Variants in FKBP5 observed in about 807,000 individuals in gnomAD.
FKBP5 encodes the protein FKBP prolyl isomerase 5, also known as peptidyl-prolyl cis-trans isomerase FKBP5.
A neutral mutation model predicts 50.5 loss-of-function variants in FKBP5; 23 were observed. The ratio of observed to expected loss-of-function variants is 0.46; its 90% CI spans 0.33 to 0.65. The LOEUF (loss-of-function observed/expected upper bound fraction) is 0.65, where lower values mean the gene tolerates loss of function less well. Among genes scored for constraint, FKBP5 ranks in the 30% least tolerant of loss-of-function variants. The pLI is 0.02. For missense variants in FKBP5, 411 were observed against 553.1 expected (o/e 0.74, Z 2.58); for synonymous variants, 176 against 190.6 (o/e 0.92, Z 0.63).
At chr6:35,690,212 T>G (rs1765957482), upstream of FKBP5, among the ~76,000 whole-genome samples, 1 of 152,226 alleles carries the variant, frequency 6.6e-6, no homozygotes, top group Non-Finnish European at 1.5e-5. Context: ...CTTACGCCTG[T>G]AATCCCAGCA....
rs1401832458 is a variant in FKBP5 at position 35,707,562 on chromosome 6, T to A, written c.-20+12766A>T. 2.0e-5 allele frequency among the ~76,000 whole-genome samples: 3 copies of A among 152,104 alleles called. No individual in the cohort carries two copies. The East Asian group carries it at 5.8e-4, about 29-fold the overall frequency. On this transcript the variant is annotated intron_variant, in intron 2 of 11. Coordinates refer to the FKBP5 transcript ENST00000536438. ...CCTAACTTGTTTTTTTAACTTTTAT[T>A]TTAGGTTCAGGGGTACATGTGCAGG... is the stretch of plus-strand genomic sequence containing the variant.
chr6:35,636,896 T>G (rs1461327894), intron 3 of FKBP5, 118 bp downstream of exon 3: 1 of 884,936 alleles, frequency 1.1e-6, no homozygotes, highest in Non-Finnish European at 1.6e-6. Flanking sequence ...AGACCATTCT[T>G]TGAGTACTAC....
At chr6:35,691,137 C>T (rs929426468), upstream of FKBP5, among the ~76,000 whole-genome samples, 15 of 152,190 alleles carry the variant, frequency 9.9e-5, no homozygotes, top group African/African-American at 3.1e-4. Context: ...ATACACGTAA[C>T]ATGTCAGTTC....
chr6:35,636,939 A>G (rs1764323891), intron 3 of FKBP5, 75 bp downstream of exon 3: 10 of 1,356,110 alleles, frequency 7.4e-6, no homozygotes, highest in Non-Finnish European at 9.8e-6. Flanking sequence ...TAGAAAGGAT[A>G]GAATCCTCTG....
At chr6:35,703,020 C>T (rs191577668) in intron 2 of FKBP5, among the ~76,000 whole-genome samples, 101 of 152,218 alleles carry the variant, frequency 6.6e-4, no homozygotes, top group African/African-American at 1.9e-3. Flanking sequence ...GAGGCCAAGG[C>T]GGGCAGATCA....
chr6:35,669,220 T>C (rs1765316721), intron 1 of FKBP5, among the ~76,000 whole-genome samples: 1 of 152,166 alleles, frequency 6.6e-6, no homozygotes, highest in Admixed American at 6.5e-5. Flanking sequence ...TCCTTGGAAC[T>C]AAGCTAAAAC....
chr6:35,614,670 A>G (rs969501617), intron 5 of FKBP5, among the ~76,000 whole-genome samples: 1 of 152,176 alleles, frequency 6.6e-6, no homozygotes, highest in Admixed American at 6.5e-5. Context: ...ACCATCTTAC[A>G]TATACACTAG....
At chr6:35,650,325 G>T (rs1209500871) in intron 1 of FKBP5, among the ~76,000 whole-genome samples, 6 of 142,976 alleles carry the variant, frequency 4.2e-5, no homozygotes, top group Admixed American at 1.4e-4. Flanking sequence ...AAGGAAAAAA[G>T]AATAGCATTG....
intron 2 of FKBP5, among the ~76,000 whole-genome samples, chr6:35,640,050 T>A (rs1764434556): frequency 6.6e-6 from 1 of 151,368 alleles, no homozygotes; most frequent in African/African-American, 2.4e-5. Context: ...CACCACATTG[T>A]TGTAAGAAAC....
At chr6:35,625,626 C>T (rs1203740369) in intron 3 of FKBP5, among the ~76,000 whole-genome samples, 1 of 149,440 alleles carries the variant, frequency 6.7e-6, no homozygotes, top group African/African-American at 2.5e-5. Context: ...GTCCCAGCTA[C>T]TCGGGAGGCT....
Position 35,574,510 on chromosome 6 carries a change from G to C in FKBP5, c.*1325C>G, listed in dbSNP as rs572750491. 6.6e-6 allele frequency: 1 copy of C among 152,312 alleles called. No individual in the cohort carries two copies. The highest frequency in any genetic ancestry group is 1.9e-4 in the East Asian group (1 of 5,184). The allele number at this position is 152,312 out of a possible 1,614,324, so 9.4% of individuals were successfully genotyped here. A position where few individuals can be genotyped will look rare whatever the true frequency, so the allele number is the denominator to read the frequency against. On this transcript the variant is annotated 3_prime_UTR_variant, in exon 11 of 11. Coordinates refer to ENST00000357266, the MANE Select transcript of FKBP5 (RefSeq NM_004117.4). ...ATGTACACATTTAAGACTTGCCCTA[G>C]TTCAATGGTCAGCTCAAGTACTGGA... is the stretch of plus-strand genomic sequence containing the variant.
At chr6:35,725,761 G>A (rs1339941950) in intron 1 of FKBP5, among the ~76,000 whole-genome samples, 1 of 152,148 alleles carries the variant, frequency 6.6e-6, no homozygotes, top group African/African-American at 2.4e-5. Context: ...ACTGGACAGA[G>A]GCCATATGAA....
intron 5 of FKBP5, among the ~76,000 whole-genome samples, chr6:35,601,728 G>C (rs1303979652): frequency 1.3e-5 from 2 of 152,144 alleles, no homozygotes; most frequent in African/African-American, 4.8e-5. Context: ...GTAGGGCTCA[G>C]GAGGTCTGTT....
At chr6:35,642,645 C>G in intron 2 of FKBP5, 75 bp downstream of exon 2, 2 of 1,112,236 alleles carry the variant, frequency 1.8e-6, no homozygotes, top group Non-Finnish European at 2.7e-6. Context: ...CCACCCCAGC[C>G]CCCCTCAGAA....
chr6:35,679,238 A>G (rs1240565181), intron 1 of FKBP5, among the ~76,000 whole-genome samples: 1 of 152,256 alleles, frequency 6.6e-6, no homozygotes, highest in Non-Finnish European at 1.5e-5. Flanking sequence ...CTTTCATAAT[A>G]AAAAGTCTAA....
intron 3 of FKBP5, among the ~76,000 whole-genome samples, chr6:35,623,269 T>C (rs1030416200): frequency 8.5e-5 from 13 of 152,266 alleles, no homozygotes; most frequent in African/African-American, 2.9e-4. Context: ...TAAAGAGTTA[T>C]TAGATAAAAC....
At chr6:35,679,328 C>T (rs1196886844) in intron 1 of FKBP5, among the ~76,000 whole-genome samples, 1 of 152,198 alleles carries the variant, frequency 6.6e-6, no homozygotes, top group Non-Finnish European at 1.5e-5. Context: ...CTGGCAGATA[C>T]TTTTCAAAGA....
At chr6:35,708,832 A>G (rs1305021954) in intron 2 of FKBP5, among the ~76,000 whole-genome samples, 1 of 152,168 alleles carries the variant, frequency 6.6e-6, no homozygotes, top group East Asian at 1.9e-4. Flanking sequence ...ATATTGAAAC[A>G]TGAGGTAGAA....
chr6:35,600,229 T>A (rs1223220000), intron 5 of FKBP5, among the ~76,000 whole-genome samples: 14 of 151,848 alleles, frequency 9.2e-5, no homozygotes. Flanking sequence ...ACTAGAGAGG[T>A]TCTACAGGGA....
Sources: gnomAD v4.1 joint callset for allele counts (sites outside exome capture counted in the v4.1 genomes callset) on GRCh38, gnomAD v4.1.1 for gene constraint, MANE v1.5 for transcripts, NCBI Gene and HGNC (gene_info 2026-07-23, HGNC 2026-07-21) for gene names.